PACRG: variants seen among roughly 807,000 people sequenced by gnomAD.
PACRG encodes parkin coregulated gene protein.
A neutral mutation model predicts 29.7 loss-of-function variants in PACRG; 29 were observed. The observed-to-expected ratio is 0.98, with a 90% confidence interval of 0.73 to 1.33. The LOEUF is 1.33. Among genes scored for constraint, PACRG ranks in the 40% most tolerant of loss-of-function variants. The probability of loss-of-function intolerance (pLI) is 0.00; values close to 1 mark genes in which losing one functional copy is unlikely to be tolerated. For missense variants in PACRG, 279 were observed against 316.2 expected, an observed-to-expected ratio of 0.88 and a Z score of 0.89; for synonymous variants, 116 against 118.7, an observed-to-expected ratio of 0.98 and a Z score of 0.15.
At chr6:163,037,459 C>A (rs1034791262) in intron 2 of PACRG, among the ~76,000 whole-genome samples, 1 of 152,210 alleles carries the variant, frequency 6.6e-6, no homozygotes, top group African/African-American at 2.4e-5. Flanking sequence ...GGTCTGTTCT[C>A]TTAGCATTCA....
At chr6:163,274,861 C>CTTTTTTTTTTTT (rs58333018) in intron 4 of PACRG, among the ~76,000 whole-genome samples, 14 of 126,324 alleles carry the variant, frequency 1.1e-4, no homozygotes, top group East Asian at 2.2e-4. Context: ...TTCTTTCTTT[C>CTTTTTTTTTTTT]TTTTTTTTTT....
chr6:163,219,330 C>T (rs1317978869), intron 4 of PACRG, among the ~76,000 whole-genome samples: 1 of 152,200 alleles, frequency 6.6e-6, no homozygotes, highest in Non-Finnish European at 1.5e-5. Context: ...CAGCAAAGCT[C>T]ATGGGCTCTG....
intron 4 of PACRG, among the ~76,000 whole-genome samples, chr6:163,288,546 C>G (rs558225329): frequency 6.6e-6 from 1 of 152,178 alleles, no homozygotes; most frequent in Non-Finnish European, 1.5e-5. Flanking sequence ...AAAAGAGTTT[C>G]GCGACTGTCA....
intron 2 of PACRG, among the ~76,000 whole-genome samples, chr6:163,036,170 C>T (rs1299913623): frequency 6.6e-6 from 1 of 152,144 alleles, no homozygotes; most frequent in Non-Finnish European, 1.5e-5. Context: ...AAGGTTTAAC[C>T]ACTTGAAGCA....
chr6:163,030,948 C>A (rs1330274790), intron 2 of PACRG, among the ~76,000 whole-genome samples: 4 of 152,138 alleles, frequency 2.6e-5, no homozygotes, highest in African/African-American at 9.7e-5. Flanking sequence ...CCTATCTCAT[C>A]CTGTGACTTA....
At chr6:163,311,397 A>G (rs1391691391) in intron 4 of PACRG, among the ~76,000 whole-genome samples, 3 of 152,244 alleles carry the variant, frequency 2.0e-5, no homozygotes, top group Non-Finnish European at 4.4e-5. Flanking sequence ...AGAATTGACA[A>G]TTGTAAATAA....
intron 4 of PACRG, among the ~76,000 whole-genome samples, chr6:163,221,943 A>T (rs758799850): frequency 6.6e-6 from 1 of 152,174 alleles, no homozygotes; most frequent in Non-Finnish European, 1.5e-5. Context: ...GGGATCTATA[A>T]AATCTGCTAG....
intron 4 of PACRG, among the ~76,000 whole-genome samples, chr6:163,116,372 C>T (rs1323832067): frequency 6.6e-6 from 1 of 152,134 alleles, no homozygotes; most frequent in Non-Finnish European, 1.5e-5. Flanking sequence ...GATCCAATCA[C>T]CTCCCACCAG....
intron 2 of PACRG, among the ~76,000 whole-genome samples, chr6:162,897,453 T>C (rs1050977317): frequency 6.6e-6 from 1 of 152,212 alleles, no homozygotes; most frequent in East Asian, 1.9e-4. Flanking sequence ...GTCTCATTGA[T>C]AGGTGAGGTA....
intron 1 of PACRG, among the ~76,000 whole-genome samples, chr6:162,742,991 C>T (rs1780716192): frequency 6.6e-6 from 1 of 152,184 alleles, no homozygotes; most frequent in Non-Finnish European, 1.5e-5. Flanking sequence ...TTCCTGCCAA[C>T]AGTGTGCAAG....
intron 3 of PACRG, among the ~76,000 whole-genome samples, chr6:163,078,148 C>T (rs779579028): frequency 3.9e-5 from 6 of 152,142 alleles, no homozygotes; most frequent in South Asian, 2.1e-4. Context: ...CCAACTCTAC[C>T]GCATAACTGC....
Position 162,823,563 on chromosome 6 carries a change from G to T in PACRG, c.291+9282G>T, listed in dbSNP as rs545967911. Among the ~76,000 whole-genome samples, 6 of 150,172 alleles carry T rather than the reference G, an allele frequency of 4.0e-5. No individual in the cohort carries two copies. In the South Asian group the frequency reaches 1.3e-3, roughly 32 times the overall value. On this transcript the variant is annotated intron_variant, in intron 2 of 4. Coordinates refer to ENST00000366888, the MANE Select transcript of PACRG (RefSeq NM_001080379.2). Reference sequence around the variant, plus strand: ...GTCTTGCTCTGTTGCCCAGGCTGGAGTGCAGTGGTGCAATCTCGGCTCACT... The same window carrying T: ...GTCTTGCTCTGTTGCCCAGGCTGGATTGCAGTGGTGCAATCTCGGCTCACT...
chr6:163,047,820 C>T (rs1191043650), intron 2 of PACRG, among the ~76,000 whole-genome samples: 1 of 152,094 alleles, frequency 6.6e-6, no homozygotes, highest in Non-Finnish European at 1.5e-5. Context: ...TAAGCAAAAT[C>T]AATATATGCA....
At chr6:162,773,830 C>T (rs954321099) in intron 1 of PACRG, among the ~76,000 whole-genome samples, 1 of 152,014 alleles carries the variant, frequency 6.6e-6, no homozygotes, top group African/African-American at 2.4e-5. Flanking sequence ...TTACAGGAAT[C>T]AGCATATAAA....
chr6:162,931,379 A>G (rs1797840598), intron 2 of PACRG, among the ~76,000 whole-genome samples: 1 of 80,948 alleles, frequency 1.2e-5, no homozygotes, highest in South Asian at 5.0e-4. Flanking sequence ...TTGATGTCAT[A>G]TATAAAAAAA....
chr6:163,206,244 A>G (rs1780897169), intron 4 of PACRG, among the ~76,000 whole-genome samples: 1 of 152,350 alleles, frequency 6.6e-6, no homozygotes, highest in Admixed American at 6.5e-5. Flanking sequence ...TCATTTTACC[A>G]TAAAGACACG....
chr6:162,749,809 C>T (rs184902671), intron 1 of PACRG, among the ~76,000 whole-genome samples: 1 of 152,030 alleles, frequency 6.6e-6, no homozygotes, highest in East Asian at 1.9e-4. Context: ...CGTGAGCCAC[C>T]GCACCCAGCC....
intron 2 of PACRG, among the ~76,000 whole-genome samples, chr6:162,918,185 G>T (rs1046988011): frequency 7.9e-5 from 12 of 152,234 alleles, no homozygotes; most frequent in Middle Eastern, 3.4e-3. Context: ...AAGCTTCCTG[G>T]ATTAAATTCA....
intron 2 of PACRG, among the ~76,000 whole-genome samples, chr6:163,025,461 T>C (rs1222830592): frequency 1.3e-5 from 2 of 152,174 alleles, no homozygotes; most frequent in African/African-American, 4.8e-5. Context: ...CTGAGAGTGA[T>C]ATCAAGAGCA....
Sources: gnomAD v4.1 joint callset for allele counts (sites outside exome capture counted in the v4.1 genomes callset) on GRCh38, gnomAD v4.1.1 for gene constraint, MANE v1.5 for transcripts, NCBI Gene and HGNC (gene_info 2026-07-23, HGNC 2026-07-21) for gene names.